NPAS3: variants seen among roughly 807,000 people sequenced by gnomAD.
NPAS3 encodes the protein neuronal PAS domain-containing protein 3.
In NPAS3, 14 loss-of-function variants were observed where a neutral mutation model predicts 73.1. The observed-to-expected ratio is 0.19, with a 90% CI of 0.13 to 0.30. The LOEUF (loss-of-function observed/expected upper bound fraction) is 0.30. Among genes scored for constraint, NPAS3 ranks in the 10% least tolerant of loss-of-function variants. NPAS3 has a pLI of 1.00. For missense variants in NPAS3, 1,096 were observed against 1,250.0 expected (o/e 0.88, Z 1.86); for synonymous variants, 620 against 541.5 (o/e 1.14, Z -2.01).
chr14:33,457,095 C>A (rs1193093655), intron 4 of NPAS3, among the ~76,000 whole-genome samples: 1 of 152,188 alleles, frequency 6.6e-6, no homozygotes, highest in African/African-American at 2.4e-5. Context: ...AGGATTAATG[C>A]CAGGTGAAGG....
At chr14:33,132,335 G>A (rs1279382076) in intron 2 of NPAS3, among the ~76,000 whole-genome samples, 3 of 152,244 alleles carry the variant, frequency 2.0e-5, no homozygotes, top group Non-Finnish European at 4.4e-5. Context: ...GGGAGGCAAG[G>A]GTAGTGAGGC....
intron 3 of NPAS3, among the ~76,000 whole-genome samples, chr14:33,336,249 CT>C (rs1416473830): frequency 6.6e-6 from 1 of 152,168 alleles, no homozygotes; most frequent in African/African-American, 2.4e-5. Context: ...GGTTAGGAAT[CT>C]GATTATAGGT....
intron 2 of NPAS3, among the ~76,000 whole-genome samples, chr14:33,203,428 C>T (rs2046697460): frequency 6.6e-6 from 1 of 152,078 alleles, no homozygotes; most frequent in Admixed American, 6.6e-5. Context: ...TACATTAACT[C>T]GTCATTTACA....
chr14:33,787,239 G>A (rs1428528965), intron 9 of NPAS3, among the ~76,000 whole-genome samples: 3 of 152,118 alleles, frequency 2.0e-5, no homozygotes, highest in Admixed American at 2.0e-4. Flanking sequence ...CACTAACAGT[G>A]TTTAAAAGCC....
chr14:33,380,047 A>G (rs2046477614), intron 4 of NPAS3, among the ~76,000 whole-genome samples: 1 of 149,134 alleles, frequency 6.7e-6, no homozygotes, highest in African/African-American at 2.5e-5. Context: ...TGGGGGGGAA[A>G]AAGAAAATGT....
intron 5 of NPAS3, among the ~76,000 whole-genome samples, chr14:33,639,206 TAGTATA>T (rs2058609431): frequency 6.6e-6 from 1 of 152,148 alleles, no homozygotes; most frequent in Non-Finnish European, 1.5e-5. Flanking sequence ...CTGTAGCTAA[TAGTATA>T]AGAGCAAAAG....
At chr14:32,976,602 A>G (rs1381077248) in intron 1 of NPAS3, among the ~76,000 whole-genome samples, 8 of 152,200 alleles carry the variant, frequency 5.3e-5, no homozygotes, top group Admixed American at 1.3e-4. Context: ...GCCAAAATCC[A>G]TATCTCTTTC....
chr14:33,158,050 A>G (rs1339484737), intron 2 of NPAS3, among the ~76,000 whole-genome samples: 2 of 103,100 alleles, frequency 1.9e-5, no homozygotes, highest in Non-Finnish European at 4.4e-5. Flanking sequence ...ATTTTAATGG[A>G]AATTTAAGGA....
chr14:32,973,856 T>C (rs1185087781), intron 1 of NPAS3, among the ~76,000 whole-genome samples: 1 of 152,164 alleles, frequency 6.6e-6, no homozygotes, highest in Non-Finnish European at 1.5e-5. Flanking sequence ...ATTTTGAATG[T>C]CATTTCTATC....
intron 3 of NPAS3, among the ~76,000 whole-genome samples, chr14:33,295,839 T>G (rs2140129289): frequency 6.6e-6 from 1 of 152,332 alleles, no homozygotes; most frequent in Admixed American, 6.5e-5. Flanking sequence ...TATTGCTCAC[T>G]TATAAGAAGC....
At chr14:33,006,447 A>T (rs903653438) in intron 1 of NPAS3, among the ~76,000 whole-genome samples, 4 of 152,132 alleles carry the variant, frequency 2.6e-5, no homozygotes, top group Non-Finnish European at 4.4e-5. Flanking sequence ...TCCACACAAC[A>T]ACAGCGCTAC....
intron 2 of NPAS3, among the ~76,000 whole-genome samples, chr14:33,065,411 A>C (rs965651495): frequency 2.0e-5 from 3 of 152,158 alleles, no homozygotes; most frequent in Admixed American, 6.5e-5. Flanking sequence ...AGGTTGCTTA[A>C]AAATAATTTT....
chr14:33,651,404 C>T (rs1385744122), intron 5 of NPAS3, among the ~76,000 whole-genome samples: 1 of 152,162 alleles, frequency 6.6e-6, no homozygotes, highest in Non-Finnish European at 1.5e-5. Context: ...ATTCTTTTCT[C>T]CCTGGATCCA....
intron 4 of NPAS3, among the ~76,000 whole-genome samples, chr14:33,408,268 A>C (rs1056926400): frequency 2.6e-5 from 4 of 152,064 alleles, no homozygotes; most frequent in African/African-American, 9.7e-5. Flanking sequence ...TTACCTGCCG[A>C]AGTTGGGTCC....
chr14:33,146,552 GAC>G (rs773383952), intron 2 of NPAS3, among the ~76,000 whole-genome samples: 2 of 152,190 alleles, frequency 1.3e-5, no homozygotes, highest in Non-Finnish European at 2.9e-5. Flanking sequence ...TTATGAATAA[GAC>G]ACAATCCCTG....
intron 9 of NPAS3, among the ~76,000 whole-genome samples, chr14:33,785,434 C>CAAAAAA (rs1223437695): frequency 2.7e-5 from 2 of 75,384 alleles, no homozygotes; most frequent in Non-Finnish European, 2.7e-5. Context: ...GACTCCATCT[C>CAAAAAA]AAAAAAAAAA....
intron 3 of NPAS3, among the ~76,000 whole-genome samples, chr14:33,286,814 A>G (rs1473211858): frequency 1.3e-5 from 2 of 152,144 alleles, no homozygotes; most frequent in African/African-American, 4.8e-5. Flanking sequence ...TACTTTTCCC[A>G]CTGTGAAGAA....
chr14:33,668,725 C>A (rs542664722), intron 5 of NPAS3, among the ~76,000 whole-genome samples: 1 of 152,052 alleles, frequency 6.6e-6, no homozygotes, highest in Non-Finnish European at 1.5e-5. Context: ...AGGCTGAGAC[C>A]GGAGGATCGC....
At chr14:33,411,369 G>T (rs2047919323) in intron 4 of NPAS3, among the ~76,000 whole-genome samples, 1 of 152,062 alleles carries the variant, frequency 6.6e-6, no homozygotes, top group Non-Finnish European at 1.5e-5. Flanking sequence ...TTTTAGTAGA[G>T]ACAGGGTTTC....
Sources: allele counts gnomAD v4.1 joint callset (sites outside exome capture counted in the v4.1 genomes callset), GRCh38; gene constraint gnomAD v4.1.1; transcripts MANE v1.5; gene names NCBI Gene and HGNC (gene_info 2026-07-23, HGNC 2026-07-21).